Variants in MTRES1 observed in about 807,000 individuals in gnomAD.
MTRES1 encodes the protein uncharacterized protein C6orf203.
A neutral mutation model predicts 17.4 loss-of-function variants in MTRES1; 11 were observed. The ratio of observed to expected loss-of-function variants is 0.63; its 90% CI spans 0.40 to 1.05. The LOEUF is 1.05. Ranked by LOEUF, MTRES1 falls within the 50% of genes least tolerant of loss-of-function variation. The pLI is 0.00. For missense variants in MTRES1, 268 were observed against 276.2 expected (o/e 0.97, Z 0.21); for synonymous variants, 94 against 99.6 (o/e 0.94, Z 0.34).
At chr6:107,045,392 G>A (rs915094773) in intron 3 of MTRES1, among the ~76,000 whole-genome samples, 12 of 152,152 alleles carry the variant, frequency 7.9e-5, no homozygotes, top group African/African-American at 2.7e-4. Flanking sequence ...GCTGAGGCAG[G>A]AGAATGGCAT....
Position 107,050,551 on chromosome 6 carries a change from C to CTT in MTRES1, c.544-482_544-481dup, listed in dbSNP as rs142268482. Among the ~76,000 whole-genome samples the CTT allele has an allele frequency of 1.6e-3, 131 of 81,462 alleles. 1 individual carries two copies. The highest frequency in any genetic ancestry group is 2.6e-3 in the African/African-American group (51 of 19,886). The allele number at this position is 81,462 out of a possible 152,430, so 53.4% of individuals were successfully genotyped here. A position where few individuals can be genotyped will look rare whatever the true frequency, so the allele number is the denominator to read the frequency against. On this transcript the variant is annotated intron_variant, in intron 3 of 3. Coordinates refer to ENST00000311381, the MANE Select transcript of MTRES1 (RefSeq NM_016487.5). Reference sequence around the variant, plus strand: ...CTTGTATTTGAGGCACTCTCCCTTTCTTTTTTTTTTTTTTTTTTTTTTTTT... The same window carrying CTT: ...CTTGTATTTGAGGCACTCTCCCTTTCTTTTTTTTTTTTTTTTTTTTTTTTTTT...
chr6:107,030,769 G>T (rs187842919), intron 1 of MTRES1, among the ~76,000 whole-genome samples: 1 of 152,176 alleles, frequency 6.6e-6, no homozygotes, highest in African/African-American at 2.4e-5. Context: ...GGGAACCCTC[G>T]TGAAGTTCAA....
At chr6:107,049,264 C>T (rs550893647) in intron 3 of MTRES1, among the ~76,000 whole-genome samples, 1 of 152,190 alleles carries the variant, frequency 6.6e-6, no homozygotes, top group South Asian at 2.1e-4. Context: ...CAATGTGTGC[C>T]CACTTACTGT....
At position 107,051,143 on chromosome 6, in the gene MTRES1, A is replaced by G. The variant is rs531713964; in HGVS notation, c.630A>G (p.Lys210=). ...TETVMRILLK[K]VFEEKTESEK... Reference sequence around the variant, plus strand: ...CAGTTATGCGGATTCTCTTGAAAAAAGTGTTTGAAGAGAAGACTGAAAGTG... The same window carrying G: ...CAGTTATGCGGATTCTCTTGAAAAAGGTGTTTGAAGAGAAGACTGAAAGTG... Residue 210 remains lysine, a synonymous_variant, in exon 4 of 4, where the codon AAA becomes AAG. Transcript: ENST00000311381. 9.3e-6 allele frequency: 15 copies of G among 1,613,948 alleles called. No individual in the cohort carries two copies. The highest frequency in any genetic ancestry group is 1.6e-4 in the Middle Eastern group (1 of 6,062).
Position 107,039,810 on chromosome 6 carries a change from A to G in MTRES1, c.50A>G (p.Asp17Gly). The G allele has an allele frequency of 6.2e-7, 1 of 1,612,278 alleles. No homozygotes were observed. The highest frequency in any genetic ancestry group is 8.5e-7 in the Non-Finnish European group (1 of 1,179,672). The change falls in exon 2 of 4, where the codon GAT (aspartate) becomes GGT (glycine). Residue 17 changes from aspartate (D) to glycine (G), a missense_variant. Coordinates refer to ENST00000311381, the MANE Select transcript of MTRES1 (RefSeq NM_016487.5). ...CTTGCCGGTGTTTTAAGAAAGCCAG[A>G]TGCCTGGATTGGACTCTGGGGTGTT... ...KLLAGVLRKP[D>G]AWIGLWGVLR...
chr6:107,029,515 G>T (rs563916636), intron 1 of MTRES1, among the ~76,000 whole-genome samples: 9 of 137,252 alleles, frequency 6.6e-5, no homozygotes, highest in Admixed American at 2.3e-4. Flanking sequence ...TTTGACACTC[G>T]CTCTGTCGCC....
intron 2 of MTRES1, among the ~76,000 whole-genome samples, chr6:107,041,500 G>C (rs1228394168): frequency 2.6e-5 from 4 of 152,042 alleles, no homozygotes; most frequent in Non-Finnish European, 2.9e-5. Context: ...ATATATAATA[G>C]AGGTATTTCT....
At chr6:107,039,377 T>G (rs1404897759) in intron 1 of MTRES1, among the ~76,000 whole-genome samples, 1 of 152,088 alleles carries the variant, frequency 6.6e-6, no homozygotes, top group African/African-American at 2.4e-5. Context: ...TGGAGTGCAG[T>G]GGCGTGATCT....
intron 3 of MTRES1, among the ~76,000 whole-genome samples, chr6:107,050,551 C>CTTTTTTTTTT (rs142268482): frequency 2.0e-4 from 16 of 81,518 alleles, no homozygotes; most frequent in South Asian, 5.3e-4. Flanking sequence ...CTCTCCCTTT[C>CTTTTTTTTTT]TTTTTTTTTT....
At chr6:107,050,144 A>G (rs1009301066) in intron 3 of MTRES1, among the ~76,000 whole-genome samples, 1 of 152,244 alleles carries the variant, frequency 6.6e-6, no homozygotes, top group African/African-American at 2.4e-5. Context: ...TGGAGCTGAC[A>G]TAACTGCCCC....
intron 2 of MTRES1, among the ~76,000 whole-genome samples, chr6:107,042,250 G>A (rs1427413114): frequency 1.4e-5 from 2 of 142,176 alleles, no homozygotes; most frequent in Non-Finnish European, 3.0e-5. Context: ...TGAGGCAGGA[G>A]AATGATGTGA....
chr6:107,032,679 G>A (rs1190537963), intron 1 of MTRES1, among the ~76,000 whole-genome samples: 2 of 152,054 alleles, frequency 1.3e-5, no homozygotes, highest in African/African-American at 2.4e-5. Context: ...ACACCAGCCC[G>A]GGTGACAGTG....
intron 1 of MTRES1, chr6:107,030,197 G>A (rs1773790122): frequency 2.8e-6 from 2 of 717,946 alleles, no homozygotes; most frequent in Admixed American, 2.0e-5. Context: ...GAGGAAATGG[G>A]GGTTGAGGGA....
chr6:107,032,497 G>A (rs1483739431), intron 1 of MTRES1, among the ~76,000 whole-genome samples: 1 of 152,138 alleles, frequency 6.6e-6, no homozygotes, highest in African/African-American at 2.4e-5. Context: ...CGGATTACAA[G>A]GTTAGGAGTT....
chr6:107,030,768 CGTGAA>C (rs1481040100), intron 1 of MTRES1, among the ~76,000 whole-genome samples: 1 of 152,106 alleles, frequency 6.6e-6, no homozygotes, highest in Non-Finnish European at 1.5e-5. Context: ...TGGGAACCCT[CGTGAA>C]GTTCAAGTTC....
At chr6:107,046,902 T>C (rs1263321190) in intron 3 of MTRES1, among the ~76,000 whole-genome samples, 1 of 151,496 alleles carries the variant, frequency 6.6e-6, no homozygotes, top group Non-Finnish European at 1.5e-5. Context: ...TTCTCTGTGC[T>C]ACAAGGAAGC....
chr6:107,047,885 C>CA (rs1446054897), intron 3 of MTRES1, among the ~76,000 whole-genome samples: 1 of 151,460 alleles, frequency 6.6e-6, no homozygotes, highest in African/African-American at 2.4e-5. Flanking sequence ...GACTCCATCT[C>CA]AAAAAAAGAA....
intron 2 of MTRES1, among the ~76,000 whole-genome samples, chr6:107,042,512 A>G (rs1774254015): frequency 6.6e-6 from 1 of 151,012 alleles, no homozygotes; most frequent in African/African-American, 2.5e-5. Context: ...CAAGCTCCAC[A>G]TGTCAGTCAC....
At chr6:107,044,369 C>T (rs200056041) in intron 3 of MTRES1, 37 bp downstream of exon 3, 55 of 1,523,260 alleles carry the variant, frequency 3.6e-5, no homozygotes, top group Admixed American at 2.0e-4. Flanking sequence ...CAGATGTTTT[C>T]GTCTCTTACT....
Sources: gnomAD v4.1 joint callset for allele counts (sites outside exome capture counted in the v4.1 genomes callset) on GRCh38, gnomAD v4.1.1 for gene constraint, MANE v1.5 for transcripts, NCBI Gene and HGNC (gene_info 2026-07-23, HGNC 2026-07-21) for gene names.